The following SERP2 variants were observed in gnomAD, a reference collection of about 807,000 sequenced individuals.
The protein encoded by SERP2 is stress-associated endoplasmic reticulum protein 2.
Under a neutral mutation model 9.1 loss-of-function variants are expected in SERP2, and 6 were observed. The ratio of observed to expected loss-of-function variants is 0.66; its 90% CI spans 0.36 to 1.30. The LOEUF (loss-of-function observed/expected upper bound fraction) is 1.30. Among genes scored for constraint, SERP2 ranks in the 50% most tolerant of loss-of-function variants. The pLI, the probability that SERP2 is intolerant of heterozygous loss-of-function variation, is 0.03. For missense variants in SERP2, 58 were observed against 81.9 expected, an observed-to-expected ratio of 0.71 and a Z score of 1.13; for synonymous variants, 37 against 27.3, an observed-to-expected ratio of 1.35 and a Z score of -1.10.
intron 2 of SERP2, among the ~76,000 whole-genome samples, chr13:44,394,664 C>A (rs1465449696): frequency 6.6e-6 from 1 of 152,208 alleles, no homozygotes; most frequent in Non-Finnish European, 1.5e-5. Flanking sequence ...TTATTCCTTG[C>A]CATCCTTTGA....
intron 2 of SERP2, among the ~76,000 whole-genome samples, chr13:44,389,633 G>A (rs1327368621): frequency 3.3e-5 from 5 of 152,152 alleles, no homozygotes; most frequent in Admixed American, 3.3e-4. Context: ...TGTAGTGGGT[G>A]AGCATAGCAC....
chr13:44,374,177 C>CCGGGGGGGGGGGGGGGGGGGGGGGGGGGG, intron 1 of SERP2, 68 bp downstream of exon 1: 3 of 151,758 alleles, frequency 2.0e-5, no homozygotes, highest in Non-Finnish European at 3.6e-5. Flanking sequence ...AAGGTGGGGG[C>CCGGGGGGGGGGGGGGGGGGGGGGGGGGGG]GGGGCCGGGC....
chr13:44,396,171 A>G (rs751752266), intron 2 of SERP2: 1 of 182,828 alleles, frequency 5.5e-6, no homozygotes, highest in South Asian at 1.1e-4. Flanking sequence ...CAGCTGTCCA[A>G]GAACGATTCC....
Position 44,397,574 on chromosome 13 carries a change from G to A in SERP2, c.*262G>A. On this transcript the variant is annotated 3_prime_UTR_variant, in exon 3 of 3. Coordinates refer to ENST00000379179, the MANE Select transcript of SERP2 (RefSeq NM_001010897.3). ...GTAGCCACGCGGGTCGTCCGCAGCA[G>A]TGCTGTTTTTTTGGTTTTTCCCTTG... The A allele has an allele frequency of 1.8e-6, 1 of 541,516 alleles. No homozygotes were observed. Among genetic ancestry groups the A allele is most frequent in the Non-Finnish European group, 3.3e-6 (1 of 301,194 alleles). 33.5% of individuals were successfully genotyped at this position (541,516 alleles called of 1,614,324 possible). A position where few individuals can be genotyped will look rare whatever the true frequency, so the allele number is the denominator to read the frequency against.
chr13:44,387,795 AACT>A (rs1259299204), intron 2 of SERP2, among the ~76,000 whole-genome samples: 1 of 152,174 alleles, frequency 6.6e-6, no homozygotes, highest in African/African-American at 2.4e-5. Flanking sequence ...CTCAGAGGGA[AACT>A]CTTAAATACC....
chr13:44,377,466 C>T (rs143607466), intron 1 of SERP2, among the ~76,000 whole-genome samples: 68 of 152,260 alleles, frequency 4.5e-4, no homozygotes, highest in African/African-American at 1.6e-3. Context: ...TGTTGTTTAC[C>T]GGATCTGAAC....
At chr13:44,383,819 G>A (rs996965834) in intron 2 of SERP2, among the ~76,000 whole-genome samples, 3 of 151,650 alleles carry the variant, frequency 2.0e-5, no homozygotes, top group Non-Finnish European at 4.4e-5. Context: ...CCAAAGTGCT[G>A]GGATTACAGG....
intron 2 of SERP2, among the ~76,000 whole-genome samples, chr13:44,390,046 T>C (rs1924810): frequency 0.43 from 65,160 of 152,024 alleles, 14,059 homozygotes; most frequent in Non-Finnish European, 0.47. Context: ...AACCCATCTG[T>C]TTTCCATTAC....
At chr13:44,392,445 T>C (rs1872838756) in intron 2 of SERP2, among the ~76,000 whole-genome samples, 1 of 151,936 alleles carries the variant, frequency 6.6e-6, no homozygotes, top group South Asian at 2.1e-4. Flanking sequence ...AGCTACAGTA[T>C]GGAGAAAGGA....
intron 2 of SERP2, among the ~76,000 whole-genome samples, chr13:44,395,603 CAAA>C (rs369797464): frequency 5.9e-5 from 3 of 51,104 alleles, no homozygotes; most frequent in African/African-American, 7.4e-5. Context: ...GACTCCGTCT[CAAA>C]AAAAAAAAAA....
At chr13:44,381,551 G>T (rs938731747) in intron 2 of SERP2, among the ~76,000 whole-genome samples, 42 of 152,180 alleles carry the variant, frequency 2.8e-4, no homozygotes, top group Non-Finnish European at 5.1e-4. Context: ...CAAAAAAAAA[G>T]TATAGCATTT....
At chr13:44,395,090 C>G (rs184336749) in intron 2 of SERP2, among the ~76,000 whole-genome samples, 22 of 152,214 alleles carry the variant, frequency 1.4e-4, no homozygotes, top group Admixed American at 1.4e-3. Context: ...AGCGATAGTT[C>G]CCTGATCACA....
intron 2 of SERP2, among the ~76,000 whole-genome samples, chr13:44,392,900 G>A (rs908126825): frequency 2.0e-5 from 3 of 152,162 alleles, no homozygotes; most frequent in East Asian, 3.9e-4. Context: ...AGCCAGTGAC[G>A]TTCATTGCAG....
chr13:44,391,660 C>T (rs1208829551), intron 2 of SERP2, among the ~76,000 whole-genome samples: 3 of 152,132 alleles, frequency 2.0e-5, no homozygotes, highest in Admixed American at 6.5e-5. Context: ...GTCCCTGGAC[C>T]GGCATCTCAA....
chr13:44,394,014 C>T (rs1051994545), intron 2 of SERP2, among the ~76,000 whole-genome samples: 1 of 152,170 alleles, frequency 6.6e-6, no homozygotes, highest in Non-Finnish European at 1.5e-5. Context: ...TTCATGGATT[C>T]AATTATGATC....
chr13:44,391,423 C>G (rs925611948), intron 2 of SERP2, among the ~76,000 whole-genome samples: 17 of 152,304 alleles, frequency 1.1e-4, no homozygotes, highest in African/African-American at 3.6e-4. Flanking sequence ...ATAATATTTA[C>G]AGAGGACCTA....
At chr13:44,374,742 C>T (rs1353052491) in intron 1 of SERP2, among the ~76,000 whole-genome samples, 1 of 152,092 alleles carries the variant, frequency 6.6e-6, no homozygotes, top group African/African-American at 2.4e-5. Context: ...GAGATTTGGA[C>T]CCACATTCCC....
chr13:44,394,513 ATTAAC>A (rs1484173126), intron 2 of SERP2, among the ~76,000 whole-genome samples: 2 of 152,212 alleles, frequency 1.3e-5, no homozygotes, highest in South Asian at 4.1e-4. Context: ...GAAGTTATGA[ATTAAC>A]TTAATATGGG....
intron 1 of SERP2, among the ~76,000 whole-genome samples, 200 bp from the exon 2 acceptor site, chr13:44,379,441 G>T (rs1200130360): frequency 6.6e-6 from 1 of 152,166 alleles, no homozygotes; most frequent in Admixed American, 6.5e-5. Flanking sequence ...ATGTTAATAA[G>T]GTTATGGATG....
Sources: allele counts gnomAD v4.1 joint callset (sites outside exome capture counted in the v4.1 genomes callset), GRCh38; gene constraint gnomAD v4.1.1; transcripts MANE v1.5; gene names NCBI Gene and HGNC (gene_info 2026-07-23, HGNC 2026-07-21).